Variants in ITGA11 observed in about 807,000 individuals in gnomAD.
ITGA11 encodes the protein integrin subunit alpha 11.
Under a neutral mutation model 141.9 loss-of-function variants are expected in ITGA11, and 97 were observed. The observed-to-expected ratio is 0.68, with a 90% CI of 0.58 to 0.81. The LOEUF is 0.81. ITGA11 is among the 30% of genes least tolerant of loss of function. The pLI, the probability that ITGA11 is intolerant of heterozygous loss-of-function variation, is 0.00. For missense variants in ITGA11, 1,387 were observed against 1,559.2 expected, an observed-to-expected ratio of 0.89 and a Z score of 1.86; for synonymous variants, 658 against 624.6, an observed-to-expected ratio of 1.05 and a Z score of -0.80.
intron 1 of ITGA11, among the ~76,000 whole-genome samples, chr15:68,404,704 C>T (rs1046486384): frequency 2.0e-5 from 3 of 152,094 alleles, no homozygotes; most frequent in Non-Finnish European, 2.9e-5. Flanking sequence ...TACTCTGTGA[C>T]GCCTCCCCAC....
In ITGA11 at chr15:68,304,010, G is replaced by T; in HGVS notation, c.3382-125C>A. 1.7e-6 allele frequency: 1 copy of T among 604,954 alleles called. No homozygotes were observed. The highest frequency in any genetic ancestry group is 3.0e-6 in the Non-Finnish European group (1 of 335,888). The allele number at this position is 604,954 out of a possible 1,614,324, so 37.5% of individuals were successfully genotyped here. ...GGGAGCTGCATCCTCTTCCTCAGGG[G>T]GATACCAGAGGGATGGGTGGACAGG... On this transcript the variant is annotated intron_variant, in intron 28 of 29. Transcript: ENST00000315757. The surrounding 1 kb of genome is among the most constrained non-coding windows in gnomAD (Gnocchi z 6.1).
intron 2 of ITGA11, among the ~76,000 whole-genome samples, chr15:68,371,811 G>A (rs186547796): frequency 1.8e-4 from 28 of 152,108 alleles, no homozygotes; most frequent in African/African-American, 5.1e-4. Context: ...GAAAAGTCAC[G>A]TGTCCTGGCA....
At chr15:68,363,422 G>GACCCCTTTA (rs1895315042) in intron 4 of ITGA11, among the ~76,000 whole-genome samples, 1 of 152,176 alleles carries the variant, frequency 6.6e-6, no homozygotes, top group Admixed American at 6.5e-5. Flanking sequence ...TTTGCCTCTG[G>GACCCCTTTA]TTATGGCTAA....
chr15:68,386,755 GCA>G (rs1404588878), intron 2 of ITGA11, among the ~76,000 whole-genome samples: 1 of 152,158 alleles, frequency 6.6e-6, no homozygotes, highest in Non-Finnish European at 1.5e-5. Context: ...CCTTCTCTGT[GCA>G]CACTCTCCTT....
Position 68,304,130 on chromosome 15 carries a change from G to A in ITGA11, c.3382-245C>T, listed in dbSNP as rs1893116607. Among the ~76,000 whole-genome samples, 1 of 152,096 alleles carries A rather than the reference G, an allele frequency of 6.6e-6. No homozygotes were observed. The highest frequency in any genetic ancestry group is 1.5e-5 in the Non-Finnish European group (1 of 68,002). ...CCTCCTTGAGACACTTGCTGCCTTTGGCCTCAGGCCCCCGCCACTCCCTGG... is the reference window on the plus strand; with the variant it reads ...CCTCCTTGAGACACTTGCTGCCTTTAGCCTCAGGCCCCCGCCACTCCCTGG... On this transcript the variant is annotated intron_variant, in intron 28 of 29. Transcript: ENST00000315757. This position sits in a 1 kb window ranked among gnomAD's most constrained non-coding sequence, Gnocchi z 6.1.
chr15:68,313,980 G>A, intron 22 of ITGA11, 112 bp from the exon 23 acceptor site: 1 of 795,204 alleles, frequency 1.3e-6, no homozygotes, highest in Non-Finnish European at 2.1e-6. Context: ...GGGGCTGATG[G>A]GCACCAGACA....
At chr15:68,429,938 C>T (rs1595904355) in intron 1 of ITGA11, among the ~76,000 whole-genome samples, 2 of 152,302 alleles carry the variant, frequency 1.3e-5, no homozygotes. Context: ...CTTGTTTGAA[C>T]ACCCAGCCCT....
intron 7 of ITGA11, among the ~76,000 whole-genome samples, chr15:68,355,885 T>C (rs1394934162): frequency 1.3e-5 from 2 of 152,176 alleles, no homozygotes; most frequent in Non-Finnish European, 2.9e-5. Flanking sequence ...CACTTAGACA[T>C]TTAAAATCTA....
intron 7 of ITGA11, among the ~76,000 whole-genome samples, chr15:68,353,386 A>G (rs992307519): frequency 6.6e-6 from 1 of 152,148 alleles, no homozygotes; most frequent in African/African-American, 2.4e-5. Context: ...CTCAAGCGCA[A>G]CCCAGTAGCA....
intron 3 of ITGA11, among the ~76,000 whole-genome samples, chr15:68,367,675 T>TC (rs374280686): frequency 2.5e-4 from 38 of 152,184 alleles, no homozygotes; most frequent in African/African-American, 8.7e-4. Flanking sequence ...CCCCACCATA[T>TC]CCCCAATAAA....
At chr15:68,352,529 G>C (rs75121591) in intron 7 of ITGA11, among the ~76,000 whole-genome samples, 1 of 152,108 alleles carries the variant, frequency 6.6e-6, no homozygotes, top group Non-Finnish European at 1.5e-5. Flanking sequence ...TGAGCATCCA[G>C]AGTTGAGACT....
At chr15:68,392,174 G>A (rs2140392442) in intron 2 of ITGA11, among the ~76,000 whole-genome samples, 1 of 152,346 alleles carries the variant, frequency 6.6e-6, no homozygotes, top group East Asian at 1.9e-4. Context: ...GTAGTGATGG[G>A]AAGGGATAGT....
intron 11 of ITGA11, among the ~76,000 whole-genome samples, chr15:68,337,547 C>G (rs1894404086): frequency 6.6e-6 from 1 of 152,160 alleles, no homozygotes; most frequent in Admixed American, 6.5e-5. Context: ...AAAGGCACTC[C>G]CTCAAGACCC....
chr15:68,374,316 C>T (rs1483440189), intron 2 of ITGA11, among the ~76,000 whole-genome samples: 1 of 152,248 alleles, frequency 6.6e-6, no homozygotes, highest in African/African-American at 2.4e-5. Flanking sequence ...CCACATATAA[C>T]AGCTGCTTAG....
rs369627318 is a variant in ITGA11, at chr15:68,320,171, C to T, written c.2616+14G>A. On this transcript the variant is annotated intron_variant, in intron 20 of 29. Coordinates refer to ENST00000315757, the MANE Select transcript of ITGA11 (RefSeq NM_001004439.2). ...CCAGGCAGAGGCAGTCTGGGCAGGT[C>T]GCTGAGGTCTTACCTTCTGGATCAA... 45 of 1,612,694 alleles carry T rather than the reference C, an allele frequency of 2.8e-5. No individual in the cohort carries two copies. In the African/African-American group the frequency reaches 3.7e-4, roughly 13 times the overall value.
Position 68,307,302 on chromosome 15 carries a change from A to C in ITGA11, c.3381+46T>G. 1 of 1,386,982 alleles carries C rather than the reference A, an allele frequency of 7.2e-7. No individual in the cohort carries two copies. Among genetic ancestry groups the C allele is most frequent in the Non-Finnish European group, 1.0e-6 (1 of 999,730 alleles). The allele number at this position is 1,386,982 out of a possible 1,614,324, so 85.9% of individuals were successfully genotyped here. ...GAGGAGCACGGCCAACCCTTTCCCA[A>C]GCTGTCCGGCCTAAGCCCAGTTCTG... On this transcript the variant is annotated intron_variant, in intron 28 of 29. Coordinates refer to ENST00000315757, the MANE Select transcript of ITGA11 (RefSeq NM_001004439.2). This position sits in a 1 kb window ranked among gnomAD's most constrained non-coding sequence, Gnocchi z 6.1.
intron 10 of ITGA11, among the ~76,000 whole-genome samples, chr15:68,340,035 G>C (rs957757839): frequency 1.3e-5 from 2 of 152,070 alleles, no homozygotes; most frequent in Non-Finnish European, 2.9e-5. Flanking sequence ...CCTTGCACTT[G>C]CCCTTCTTTA....
chr15:68,398,853 G>A (rs2140405160), intron 2 of ITGA11, among the ~76,000 whole-genome samples: 1 of 148,906 alleles, frequency 6.7e-6, no homozygotes, highest in South Asian at 2.1e-4. Context: ...TTTTATTAAT[G>A]CAATAAGAGA....
At chr15:68,404,936 C>T (rs1595894024) in intron 1 of ITGA11, among the ~76,000 whole-genome samples, 1 of 152,304 alleles carries the variant, frequency 6.6e-6, no homozygotes, top group East Asian at 1.9e-4. Context: ...CCATGACAAG[C>T]AGCAAAGGGA....
Sources: allele counts gnomAD v4.1 joint callset (sites outside exome capture counted in the v4.1 genomes callset), GRCh38; gene constraint gnomAD v4.1.1; non-coding constraint Gnocchi (gnomAD v3.1); transcripts MANE v1.5; gene names NCBI Gene and HGNC (gene_info 2026-07-23, HGNC 2026-07-21).